The following MARCHF4 variants were observed in gnomAD, a reference collection of about 807,000 sequenced individuals.
MARCHF4 encodes E3 ubiquitin-protein ligase MARCHF4.
MARCHF4 carries 14 observed loss-of-function variants against 43.9 expected under a neutral mutation model. The observed-to-expected ratio is 0.32, with a 90% CI of 0.21 to 0.50. MARCHF4 has a LOEUF of 0.50. MARCHF4 is among the 20% of genes least tolerant of loss of function. The probability of loss-of-function intolerance (pLI) is 0.98; values close to 1 mark genes in which losing one functional copy is unlikely to be tolerated. For synonymous variants in MARCHF4, 226 were observed against 213.3 expected (o/e 1.06, Z -0.52); for missense variants, 468 against 536.7 (o/e 0.87, Z 1.27).
intron 2 of MARCHF4, among the ~76,000 whole-genome samples, chr2:216,280,088 C>T (rs567905876): frequency 9.7e-4 from 147 of 152,132 alleles, no homozygotes; most frequent in African/African-American, 3.3e-3. Flanking sequence ...TGAAGCGTGA[C>T]GAAGGAGCAG....
chr2:216,288,113 C>T (rs1214686410), intron 1 of MARCHF4, among the ~76,000 whole-genome samples: 2 of 152,166 alleles, frequency 1.3e-5, no homozygotes, highest in Non-Finnish European at 2.9e-5. Context: ...CAGGCACATG[C>T]CACCATGCCC....
intron 3 of MARCHF4, 69 bp from the exon 4 acceptor site, chr2:216,259,748 GTC>G: frequency 1.4e-6 from 2 of 1,479,922 alleles, no homozygotes; most frequent in Non-Finnish European, 1.9e-6. Context: ...GGAGACCACA[GTC>G]TCTCTGAATC....
intron 1 of MARCHF4, among the ~76,000 whole-genome samples, chr2:216,367,730 A>G (rs908061957): frequency 6.6e-6 from 1 of 152,254 alleles, no homozygotes; most frequent in Admixed American, 6.5e-5. Flanking sequence ...CCATCAAAAT[A>G]ATGAACAAGA....
intron 1 of MARCHF4, among the ~76,000 whole-genome samples, chr2:216,300,936 T>A (rs572693352): frequency 6.1e-4 from 93 of 152,332 alleles, no homozygotes; most frequent in South Asian, 4.1e-4. Flanking sequence ...CATTAACTGA[T>A]GATTCTTAAT....
intron 1 of MARCHF4, among the ~76,000 whole-genome samples, chr2:216,355,442 G>C (rs890631388): frequency 2.6e-5 from 4 of 152,106 alleles, no homozygotes; most frequent in African/African-American, 7.2e-5. Flanking sequence ...GGATTATTTT[G>C]AAGCAAATTC....
At chr2:216,331,330 T>C (rs934894313) in intron 1 of MARCHF4, among the ~76,000 whole-genome samples, 20 of 152,108 alleles carry the variant, frequency 1.3e-4, no homozygotes, top group African/African-American at 4.3e-4. Context: ...AATAGCTGTA[T>C]ATCTACTAAA....
At chr2:216,276,486 C>A (rs191164569) in intron 3 of MARCHF4, among the ~76,000 whole-genome samples, 2 of 152,314 alleles carry the variant, frequency 1.3e-5, no homozygotes, top group Non-Finnish European at 2.9e-5. Flanking sequence ...GGAGAGACAG[C>A]AAGATGGCTT....
intron 1 of MARCHF4, among the ~76,000 whole-genome samples, chr2:216,347,975 G>T (rs1320213348): frequency 6.6e-6 from 1 of 151,634 alleles, no homozygotes; most frequent in Non-Finnish European, 1.5e-5. Context: ...TTGAATAGGG[G>T]CTGGGTAAAA....
At chr2:216,279,508 T>C (rs1691091971) in intron 2 of MARCHF4, among the ~76,000 whole-genome samples, 1 of 152,204 alleles carries the variant, frequency 6.6e-6, no homozygotes, top group Non-Finnish European at 1.5e-5. Flanking sequence ...CAGATTTGCA[T>C]AGCACTCTGC....
Position 216,298,256 on chromosome 2 carries a change from G to GTT in MARCHF4, c.517-14529_517-14528dup, listed in dbSNP as rs559410456. 7.7e-3 allele frequency among the ~76,000 whole-genome samples: 512 copies of GTT among 66,778 alleles called. 38 individuals carry two copies. The highest frequency in any genetic ancestry group is 0.011 in the Non-Finnish European group (405 of 37,238). The allele number at this position is 66,778 out of a possible 152,430, so 43.8% of individuals were successfully genotyped here. On this transcript the variant is annotated intron_variant, in intron 1 of 3. Coordinates refer to ENST00000273067, the MANE Select transcript of MARCHF4 (RefSeq NM_020814.3). ...CAGACTACTTTTACCAGTCTTTTAG[G>GTT]TTTTTTTTTTTTTTTTTTTTTTTTT...
chr2:216,341,176 A>G (rs1692230629), intron 1 of MARCHF4, among the ~76,000 whole-genome samples: 1 of 152,150 alleles, frequency 6.6e-6, no homozygotes, highest in African/African-American at 2.4e-5. Flanking sequence ...AGCTCCTCCA[A>G]TCTGCCTGCT....
chr2:216,368,533 A>G (rs1233195730), intron 1 of MARCHF4, among the ~76,000 whole-genome samples: 1 of 152,208 alleles, frequency 6.6e-6, no homozygotes, highest in East Asian at 1.9e-4. Flanking sequence ...TTCTTTGTCC[A>G]TTGAGAGCAA....
intron 1 of MARCHF4, among the ~76,000 whole-genome samples, chr2:216,306,252 A>G (rs1691584404): frequency 6.6e-6 from 1 of 152,202 alleles, no homozygotes; most frequent in Non-Finnish European, 1.5e-5. Context: ...ATCTTTTAAA[A>G]TATAGAACAG....
chr2:216,364,563 T>C (rs546181104), intron 1 of MARCHF4, among the ~76,000 whole-genome samples: 66 of 152,326 alleles, frequency 4.3e-4, no homozygotes, highest in African/African-American at 1.4e-3. Context: ...CTGGAATTCC[T>C]GTCCAGACAG....
At chr2:216,337,821 G>T (rs1692180613) in intron 1 of MARCHF4, among the ~76,000 whole-genome samples, 1 of 152,138 alleles carries the variant, frequency 6.6e-6, no homozygotes, top group African/African-American at 2.4e-5. Context: ...ACACTTACAT[G>T]TTGTATGCTG....
chr2:216,353,310 C>T (rs1293750908), intron 1 of MARCHF4, among the ~76,000 whole-genome samples: 1 of 152,188 alleles, frequency 6.6e-6, no homozygotes, highest in Non-Finnish European at 1.5e-5. Flanking sequence ...TTGATCGCTT[C>T]CATTCTCTAA....
At chr2:216,346,071 A>G (rs1431467647) in intron 1 of MARCHF4, among the ~76,000 whole-genome samples, 1 of 152,190 alleles carries the variant, frequency 6.6e-6, no homozygotes, top group Non-Finnish European at 1.5e-5. Flanking sequence ...CGGGCTTAAC[A>G]GTCTACAGTG....
chr2:216,365,756 G>A (rs1692656721), intron 1 of MARCHF4, among the ~76,000 whole-genome samples: 1 of 152,162 alleles, frequency 6.6e-6, no homozygotes. Flanking sequence ...TCTTGTACCT[G>A]ATATTACTGT....
At position 216,309,415 on chromosome 2, in the gene MARCHF4, T is replaced by C. The variant is rs144679692; in HGVS notation, c.517-25686A>G. 2.0e-5 allele frequency among the ~76,000 whole-genome samples: 3 copies of C among 152,334 alleles called. No homozygotes were observed. The East Asian group carries it at 5.8e-4, about 29-fold the overall frequency. On this transcript the variant is annotated intron_variant, in intron 1 of 3. Coordinates refer to ENST00000273067, the MANE Select transcript of MARCHF4 (RefSeq NM_020814.3). ...AGGCACGATCTCCCTATAGTGGACA[T>C]AGGACACTTTCCTTTGCTTATCCTG... is the stretch of plus-strand genomic sequence containing the variant.
Sources: allele counts gnomAD v4.1 joint callset (sites outside exome capture counted in the v4.1 genomes callset), GRCh38; gene constraint gnomAD v4.1.1; transcripts MANE v1.5; gene names NCBI Gene and HGNC (gene_info 2026-07-23, HGNC 2026-07-21).